The following MACROD2 variants were observed in gnomAD, a reference collection of about 807,000 sequenced individuals.
MACROD2 encodes ADP-ribose glycohydrolase MACROD2.
A neutral mutation model predicts 70.4 loss-of-function variants in MACROD2; 36 were observed. The observed-to-expected ratio is 0.51, with a 90% CI of 0.39 to 0.68. MACROD2 has a LOEUF of 0.68. MACROD2 is among the 30% of genes least tolerant of loss of function. The pLI, the probability that MACROD2 is intolerant of heterozygous loss-of-function variation, is 0.00. For missense variants in MACROD2, 496 were observed against 538.4 expected, an observed-to-expected ratio of 0.92 and a Z score of 0.78; for synonymous variants, 172 against 178.8, an observed-to-expected ratio of 0.96 and a Z score of 0.30.
chr20:14,951,323 G>A (rs2074474316), intron 5 of MACROD2, among the ~76,000 whole-genome samples: 1 of 152,072 alleles, frequency 6.6e-6, no homozygotes. Flanking sequence ...AATGCAGGAA[G>A]CTGGTTATGA....
chr20:14,927,150 C>T (rs947072166), intron 5 of MACROD2, among the ~76,000 whole-genome samples: 3 of 151,680 alleles, frequency 2.0e-5, no homozygotes, highest in Non-Finnish European at 4.4e-5. Context: ...GGATCCCGTA[C>T]GTAAGTGAGA....
At chr20:15,504,657 A>T (rs997214002) in intron 8 of MACROD2, among the ~76,000 whole-genome samples, 1 of 152,168 alleles carries the variant, frequency 6.6e-6, no homozygotes, top group African/African-American at 2.4e-5. Flanking sequence ...ACCCACTGGC[A>T]TTTTCAGCTA....
intron 4 of MACROD2, among the ~76,000 whole-genome samples, chr20:14,533,982 T>C (rs1443986576): frequency 6.6e-6 from 1 of 152,240 alleles, no homozygotes; most frequent in African/African-American, 2.4e-5. Flanking sequence ...AATTTGATGG[T>C]CAATCCCTGT....
intron 5 of MACROD2, among the ~76,000 whole-genome samples, chr20:14,716,989 A>T (rs879820575): frequency 2.0e-4 from 31 of 152,142 alleles, no homozygotes; most frequent in Non-Finnish European, 4.0e-4. Context: ...GTGTCGACTT[A>T]CAAAGAAATA....
chr20:15,688,608 C>G (rs1376792663), intron 8 of MACROD2, among the ~76,000 whole-genome samples: 1 of 152,132 alleles, frequency 6.6e-6, no homozygotes, highest in Non-Finnish European at 1.5e-5. Context: ...CCATATTCTT[C>G]TAAATATAAG....
At chr20:14,039,805 G>GTTTT (rs11482552) in intron 2 of MACROD2, among the ~76,000 whole-genome samples, 1 of 144,998 alleles carries the variant, frequency 6.9e-6, no homozygotes, top group Non-Finnish European at 1.5e-5. Flanking sequence ...TTTGCCATCT[G>GTTTT]TTTTTTTTTT....
At chr20:14,091,649 A>T (rs1012961500) in intron 3 of MACROD2, among the ~76,000 whole-genome samples, 1 of 152,182 alleles carries the variant, frequency 6.6e-6, no homozygotes, top group African/African-American at 2.4e-5. Context: ...AAAGTCATGT[A>T]AATAGAATCA....
intron 6 of MACROD2, among the ~76,000 whole-genome samples, chr20:15,317,477 C>T (rs2077823664): frequency 1.4e-5 from 2 of 145,532 alleles, no homozygotes; most frequent in Admixed American, 7.0e-5. Context: ...TCTGTCCATC[C>T]ATCTAATCTA....
intron 5 of MACROD2, among the ~76,000 whole-genome samples, chr20:15,149,518 A>G (rs1210866258): frequency 2.6e-5 from 4 of 152,000 alleles, no homozygotes; most frequent in Non-Finnish European, 4.4e-5. Context: ...GCCAGGAACA[A>G]TGGTAATTAT....
chr20:14,215,097 CATATAT>C (rs1463198119), intron 3 of MACROD2, among the ~76,000 whole-genome samples: 1 of 144,544 alleles, frequency 6.9e-6, no homozygotes, highest in Admixed American at 7.1e-5. Context: ...TCTATTCCAT[CATATAT>C]ATCTATTCCA....
chr20:15,896,072 A>G (rs554312534), intron 10 of MACROD2, among the ~76,000 whole-genome samples: 1 of 152,246 alleles, frequency 6.6e-6, no homozygotes, highest in South Asian at 2.1e-4. Flanking sequence ...GAAATCTGGT[A>G]TCACTGGAAG....
intron 5 of MACROD2, among the ~76,000 whole-genome samples, chr20:14,920,080 C>G (rs1427762287): frequency 6.6e-6 from 1 of 152,178 alleles, no homozygotes; most frequent in Admixed American, 6.5e-5. Flanking sequence ...CTGCAGAAAC[C>G]TCTTCCCCTT....
chr20:14,724,010 T>C (rs975826836), intron 5 of MACROD2, among the ~76,000 whole-genome samples: 1 of 152,166 alleles, frequency 6.6e-6, no homozygotes, highest in Non-Finnish European at 1.5e-5. Flanking sequence ...AGAACTAAGA[T>C]AGCTTTGCTC....
Position 14,536,770 on chromosome 20 carries a change from T to C in MACROD2, c.301+43262T>C, listed in dbSNP as rs115683109. Among the ~76,000 whole-genome samples, 787 of 152,260 alleles carry C rather than the reference T, an allele frequency of 5.2e-3. 5 individuals carry two copies. Among genetic ancestry groups the C allele is most frequent in the African/African-American group, 0.017 (710 of 41,548 alleles). On this transcript the variant is annotated intron_variant, in intron 4 of 17. Transcript: ENST00000684519. ...AGATATTGTTGGAGAACAGATCTATTTGTGAAACCTTATTGGGAACATCCA... is the reference window on the plus strand; with the variant it reads ...AGATATTGTTGGAGAACAGATCTATCTGTGAAACCTTATTGGGAACATCCA...
intron 3 of MACROD2, among the ~76,000 whole-genome samples, chr20:14,230,758 G>A (rs2081802875): frequency 7.0e-6 from 1 of 143,372 alleles, no homozygotes. Context: ...GTTCTTAATG[G>A]CATCTAGAAT....
chr20:14,304,184 A>G (rs2082500276), intron 3 of MACROD2, among the ~76,000 whole-genome samples: 1 of 152,174 alleles, frequency 6.6e-6, no homozygotes, highest in African/African-American at 2.4e-5. Context: ...TGATGTCTAG[A>G]TTATTTTAAT....
chr20:15,862,706 A>AT lies in MACROD2; in HGVS notation c.646-31dup, dbSNP rs199683948. 357 of 1,534,510 alleles carry AT rather than the reference A, an allele frequency of 2.3e-4. 2 individuals are homozygous for AT. In the African/African-American group the frequency reaches 2.8e-3, roughly 12 times the overall value. Reference sequence around the variant, plus strand: ...TATGTCCTGGCAGGGCAATTGCCATATTTTTTTTCACTTTGAGTGTTTTAT... The same window carrying AT: ...TATGTCCTGGCAGGGCAATTGCCATATTTTTTTTTCACTTTGAGTGTTTTAT... On this transcript the variant is annotated intron_variant, in intron 8 of 17. Coordinates refer to ENST00000684519, the MANE Select transcript of MACROD2 (RefSeq NM_001351661.2).
At chr20:15,644,500 T>C (rs1303572160) in intron 8 of MACROD2, among the ~76,000 whole-genome samples, 4 of 152,184 alleles carry the variant, frequency 2.6e-5, no homozygotes, top group Non-Finnish European at 5.9e-5. Context: ...ATAAATTCTC[T>C]TTTGTCTTAA....
At chr20:15,649,516 C>T (rs930975270) in intron 8 of MACROD2, among the ~76,000 whole-genome samples, 5 of 152,092 alleles carry the variant, frequency 3.3e-5, no homozygotes, top group Non-Finnish European at 5.9e-5. Flanking sequence ...CCTCAACTCT[C>T]ACTGTCCAGA....
Sources: gnomAD v4.1 joint callset for allele counts (sites outside exome capture counted in the v4.1 genomes callset) on GRCh38, gnomAD v4.1.1 for gene constraint, MANE v1.5 for transcripts, NCBI Gene and HGNC (gene_info 2026-07-23, HGNC 2026-07-21) for gene names.